ACSM3: variants seen among roughly 807,000 people sequenced by gnomAD.
ACSM3 encodes acyl-CoA synthetase medium chain family member 3, also known as acyl-coenzyme A synthetase ACSM3, mitochondrial.
Under a neutral mutation model 74.1 loss-of-function variants are expected in ACSM3, and 61 were observed. The ratio of observed to expected loss-of-function variants is 0.82; its 90% CI spans 0.67 to 1.02. The LOEUF (loss-of-function observed/expected upper bound fraction) is 1.02. Ranked by LOEUF, ACSM3 falls within the 50% of genes least tolerant of loss-of-function variation. The pLI is 0.00. For missense variants in ACSM3, 660 were observed against 697.0 expected (o/e 0.95, Z 0.60); for synonymous variants, 213 against 241.5 (o/e 0.88, Z 1.09).
At chr16:20,772,961 C>A (rs1032199691) in intron 2 of ACSM3, among the ~76,000 whole-genome samples, 1 of 149,364 alleles carries the variant, frequency 6.7e-6, no homozygotes, top group Admixed American at 6.6e-5. Context: ...GAGTGAGACT[C>A]CCTCTCAAAA....
At chr16:20,777,235 CAAGATAA>C in intron 3 of ACSM3, 131 bp from the exon 4 acceptor site, 1 of 801,286 alleles carries the variant, frequency 1.2e-6, no homozygotes, top group East Asian at 2.8e-5. Context: ...TAAGTGAAAG[CAAGATAA>C]ATAGATATCT....
Position 20,778,521 on chromosome 16 carries a change from A to G in ACSM3, c.638+941A>G, listed in dbSNP as rs2080284955. ...AGAAACTATTCTAAGGACTTCAGATATATTACCTCATTTAAACCTCACAGC... is the reference window on the plus strand; with the variant it reads ...AGAAACTATTCTAAGGACTTCAGATGTATTACCTCATTTAAACCTCACAGC... On this transcript the variant is annotated intron_variant, in intron 4 of 13. Transcript: ENST00000289416. Among the ~76,000 whole-genome samples, 6 of 152,328 alleles carry G rather than the reference A, an allele frequency of 3.9e-5. No individual in the cohort carries two copies. The South Asian group carries it at 1.2e-3, about 32-fold the overall frequency.
intron 12 of ACSM3, among the ~76,000 whole-genome samples, chr16:20,795,549 C>T (rs894128026): frequency 3.3e-5 from 5 of 152,174 alleles, no homozygotes; most frequent in Admixed American, 1.3e-4. Context: ...GCTGGACAAA[C>T]GAATCCTTGA....
chr16:20,759,053 G>C (rs1282656884), upstream of ACSM3, among the ~76,000 whole-genome samples: 1 of 152,150 alleles, frequency 6.6e-6, no homozygotes, highest in African/African-American at 2.4e-5. Flanking sequence ...TTGTATGCTA[G>C]TGAGATGACT....
chr16:20,691,751 ATGTGTGTGTGTGTGTGTGTGTGTG>A (rs59929923), intron 1 of ACSM3, among the ~76,000 whole-genome samples: 13 of 134,106 alleles, frequency 9.7e-5, no homozygotes, highest in Admixed American at 4.5e-4. Context: ...TACCTCTCCA[ATGTGTGTGTGTGTGTGTGTGTGTG>A]TGTGTGTGTG....
intron 1 of ACSM3, chr16:20,741,440 A>C: frequency 1.4e-6 from 2 of 1,455,378 alleles, no homozygotes; most frequent in Non-Finnish European, 1.8e-6. Context: ...ACCAGCAGCC[A>C]TCCCTCCACC....
At chr16:20,764,307 A>C (rs1178005996) in intron 1 of ACSM3, among the ~76,000 whole-genome samples, 182 bp downstream of exon 1, 2 of 152,228 alleles carry the variant, frequency 1.3e-5, no homozygotes, top group Non-Finnish European at 2.9e-5. Context: ...AGTGATGAGG[A>C]GTATGCACAC....
chr16:20,789,513 T>A, intron 9 of ACSM3: 1 of 1,613,892 alleles, frequency 6.2e-7, no homozygotes, highest in South Asian at 1.1e-5. Context: ...CTTTTCCTGT[T>A]TACTCATATT....
intron 1 of ACSM3, chr16:20,691,318 G>A: frequency 1.4e-6 from 1 of 727,864 alleles, no homozygotes; most frequent in Non-Finnish European, 2.2e-6. Flanking sequence ...TTGGTTAATT[G>A]CTACAGTTAT....
chr16:20,790,588 T>G lies in ACSM3; in HGVS notation c.1226T>G (p.Ile409Ser). 1 of 1,613,064 alleles carries G rather than the reference T, an allele frequency of 6.2e-7. No homozygotes were observed. Among genetic ancestry groups the G allele is most frequent in the Non-Finnish European group, 8.5e-7 (1 of 1,179,012 alleles). Residue 409 changes from isoleucine (I) to serine (S), a missense_variant and splice_region_variant, in exon 10 of 14, where the codon ATT becomes AGT. Ile to Ser is a moderately radical substitution (Grantham distance 142). Transcript: ENST00000289416. The surrounding 1 kb of genome is among the most constrained non-coding windows in gnomAD (Gnocchi z 4.0). ...GKPSPAFDVK[I>S]VDVNGNVLPP... is the part of the protein sequence containing the mutation. ...ATAAATTGTTCTATTTTATCCTAGA[T>G]TGTAGATGTAAATGGCAATGTTCTA...
intron 1 of ACSM3, chr16:20,682,366 G>A: frequency 6.2e-7 from 1 of 1,614,002 alleles, no homozygotes; most frequent in Non-Finnish European, 8.5e-7. Flanking sequence ...CTGAGGCAAG[G>A]GCATCTATGG....
chr16:20,753,462 CAAAAAA>C (rs36090074), intron 2 of ACSM3, among the ~76,000 whole-genome samples: 1 of 101,616 alleles, frequency 9.8e-6, no homozygotes, highest in Admixed American at 1.1e-4. Flanking sequence ...AGACTGTCTC[CAAAAAA>C]AAAAAAAAAA....
intron 1 of ACSM3, chr16:20,685,100 A>T (rs1187635096): frequency 1.5e-6 from 2 of 1,349,272 alleles, no homozygotes; most frequent in Admixed American, 1.8e-5. Context: ...AAGCTGTGTC[A>T]GTGCCAGGCT....
At chr16:20,765,513 AAACTC>A (rs1396069706) in intron 1 of ACSM3, among the ~76,000 whole-genome samples, 10 of 152,210 alleles carry the variant, frequency 6.6e-5, no homozygotes, top group African/African-American at 2.4e-4. Context: ...AAATCATACT[AAACTC>A]TGATTCTATT....
At chr16:20,684,397 A>G (rs1472983103) in intron 1 of ACSM3, among the ~76,000 whole-genome samples, 1 of 152,188 alleles carries the variant, frequency 6.6e-6, no homozygotes, top group African/African-American at 2.4e-5. Context: ...TTCTGTGAAA[A>G]CCACCTTGCT....
At chr16:20,786,028 A>T in intron 8 of ACSM3, 50 bp from the exon 9 acceptor site, 1 of 1,312,682 alleles carries the variant, frequency 7.6e-7, no homozygotes, top group East Asian at 2.5e-5. Context: ...TAGATGAATA[A>T]ATTTTAAGTG....
At chr16:20,765,043 G>A (rs2080111211) in intron 1 of ACSM3, among the ~76,000 whole-genome samples, 1 of 152,134 alleles carries the variant, frequency 6.6e-6, no homozygotes, top group African/African-American at 2.4e-5. Context: ...CTTAGAGGGA[G>A]GGATGTTTAG....
Position 20,785,080 on chromosome 16 carries a change from C to T in ACSM3, c.1116C>T (p.Ile372=). The change falls in exon 8 of 14, where the codon ATC becomes ATT. Residue 372 remains isoleucine (I), a synonymous_variant. Transcript: ENST00000289416. ...GGAGAAACAAGACGGGCCTGGATAT[C>T]TACGAAGGATATGGACAGACTGAAA... is the stretch of plus-strand genomic sequence containing the variant. ...EKWRNKTGLD[I]YEGYGQTETV... is the part of the protein sequence containing the mutation. The T allele has an allele frequency of 6.2e-6, 10 of 1,613,504 alleles. No homozygotes were observed. The highest frequency in any genetic ancestry group is 8.5e-6 in the Non-Finnish European group (10 of 1,179,612).
chr16:20,787,579 C>G (rs1454617608), intron 9 of ACSM3, among the ~76,000 whole-genome samples: 1 of 152,158 alleles, frequency 6.6e-6, no homozygotes, highest in Non-Finnish European at 1.5e-5. Context: ...TTAACAAGCA[C>G]CCCCCAAGTA....
Sources: gnomAD v4.1 joint callset for allele counts (sites outside exome capture counted in the v4.1 genomes callset) on GRCh38, gnomAD v4.1.1 for gene constraint, Gnocchi (gnomAD v3.1) non-coding constraint, MANE v1.5 for transcripts, NCBI Gene and HGNC (gene_info 2026-07-23, HGNC 2026-07-21) for gene names.